ROR1: variants seen among roughly 807,000 people sequenced by gnomAD.
The protein encoded by ROR1 is ROR family WNT receptor 1.
A neutral mutation model predicts 78.8 loss-of-function variants in ROR1; 19 were observed. The observed-to-expected ratio is 0.24, with a 90% CI of 0.17 to 0.35. The LOEUF is 0.35. ROR1 is among the 10% of genes least tolerant of loss of function. The pLI is 1.00. For synonymous variants in ROR1, 386 were observed against 433.6 expected, an observed-to-expected ratio of 0.89 and a Z score of 1.36; for missense variants, 917 against 1,177.8, an observed-to-expected ratio of 0.78 and a Z score of 3.24.
chr1:63,856,994 T>C (rs1220578045), intron 1 of ROR1, among the ~76,000 whole-genome samples: 2 of 152,170 alleles, frequency 1.3e-5, no homozygotes, highest in African/African-American at 4.8e-5. Flanking sequence ...TCGTTAGATT[T>C]TGTTTCCTTG....
At chr1:64,071,161 G>A (rs1230788600) in intron 4 of ROR1, among the ~76,000 whole-genome samples, 1 of 152,152 alleles carries the variant, frequency 6.6e-6, no homozygotes, top group Non-Finnish European at 1.5e-5. Context: ...CAGGAGCTAC[G>A]CGTTACTTAG....
chr1:63,980,094 C>T (rs1467748696), intron 1 of ROR1, among the ~76,000 whole-genome samples: 3 of 151,538 alleles, frequency 2.0e-5, no homozygotes, highest in Non-Finnish European at 2.9e-5. Flanking sequence ...AAGTCAACTC[C>T]GTGCACTAAG....
At chr1:63,970,747 G>A (rs2100496785) in intron 1 of ROR1, among the ~76,000 whole-genome samples, 1 of 152,306 alleles carries the variant, frequency 6.6e-6, no homozygotes, top group Non-Finnish European at 1.5e-5. Flanking sequence ...GAATTATTTT[G>A]ATCCTCCCAA....
intron 7 of ROR1, among the ~76,000 whole-genome samples, chr1:64,155,510 A>G (rs1649745516): frequency 6.6e-6 from 1 of 152,196 alleles, no homozygotes; most frequent in Admixed American, 6.5e-5. Flanking sequence ...TCCTCAGTGT[A>G]ATCAGAAGGA....
chr1:63,875,425 T>C (rs1010887005), intron 1 of ROR1, among the ~76,000 whole-genome samples: 1 of 152,176 alleles, frequency 6.6e-6, no homozygotes, highest in East Asian at 1.9e-4. Flanking sequence ...TACTTTGCCT[T>C]TCTAAGCTTC....
intron 1 of ROR1, among the ~76,000 whole-genome samples, chr1:63,963,932 C>T (rs76033532): frequency 0.032 from 4,930 of 152,216 alleles, 119 homozygotes; most frequent in Non-Finnish European, 0.051. Flanking sequence ...CTTTTCTGAC[C>T]GTGAAGCTAC....
intron 1 of ROR1, among the ~76,000 whole-genome samples, chr1:63,961,601 G>A (rs1413410210): frequency 1.3e-5 from 2 of 152,108 alleles, no homozygotes; most frequent in Non-Finnish European, 2.9e-5. Flanking sequence ...GACAAATACC[G>A]CATGTTCTCA....
intron 1 of ROR1, among the ~76,000 whole-genome samples, chr1:63,847,994 G>A (rs534826399): frequency 6.6e-6 from 1 of 152,310 alleles, no homozygotes; most frequent in South Asian, 2.1e-4. Context: ...TACTTCCTGA[G>A]CTCCCTTTTT....
At chr1:63,780,188 G>A (rs1039640044) in intron 1 of ROR1, among the ~76,000 whole-genome samples, 5 of 150,422 alleles carry the variant, frequency 3.3e-5, no homozygotes, top group Non-Finnish European at 7.4e-5. Flanking sequence ...TTTTTTAAGA[G>A]AGAGAGGGGG....
At chr1:63,915,072 C>A (rs1645598927) in intron 1 of ROR1, among the ~76,000 whole-genome samples, 1 of 152,176 alleles carries the variant, frequency 6.6e-6, no homozygotes, top group Admixed American at 6.5e-5. Flanking sequence ...TCACAACAAC[C>A]ATTTGAAGGT....
intron 2 of ROR1, among the ~76,000 whole-genome samples, chr1:64,018,690 G>A (rs531025553): frequency 1.3e-5 from 2 of 152,196 alleles, no homozygotes; most frequent in Admixed American, 6.5e-5. Context: ...AAAGAACAGC[G>A]TGTCAAGCTG....
At chr1:64,109,000 C>T (rs1647962579) in intron 4 of ROR1, among the ~76,000 whole-genome samples, 1 of 152,166 alleles carries the variant, frequency 6.6e-6, no homozygotes, top group African/African-American at 2.4e-5. Flanking sequence ...CCCAGAGCTA[C>T]TGAATCACAG....
At chr1:64,079,797 A>T (rs1037036689) in intron 4 of ROR1, among the ~76,000 whole-genome samples, 3 of 151,718 alleles carry the variant, frequency 2.0e-5, no homozygotes, top group African/African-American at 7.3e-5. Flanking sequence ...TGGAATTTTC[A>T]GTAAGATTTA....
At chr1:63,841,716 T>C (rs561867678) in intron 1 of ROR1, among the ~76,000 whole-genome samples, 4 of 152,198 alleles carry the variant, frequency 2.6e-5, no homozygotes, top group Non-Finnish European at 5.9e-5. Context: ...TTTTAGCCAT[T>C]TATTTAACAG....
intron 2 of ROR1, among the ~76,000 whole-genome samples, chr1:64,024,076 T>G (rs1646588184): frequency 6.6e-6 from 1 of 152,218 alleles, no homozygotes; most frequent in Non-Finnish European, 1.5e-5. Context: ...GCCATGATTC[T>G]AAGTTTCCTG....
At chr1:63,940,470 TAGATAGATAGACAGATAGATAGACAGAC>T (rs1478627885) in intron 1 of ROR1, among the ~76,000 whole-genome samples, 61 of 146,012 alleles carry the variant, frequency 4.2e-4, no homozygotes, top group Middle Eastern at 3.4e-3. Context: ...AGTACGTAGA[TAGATAGATAGACAGATAGATAGACAGAC>T]AGATAGATAG....
At chr1:63,875,040 G>C (rs750385981) in intron 1 of ROR1, among the ~76,000 whole-genome samples, 2 of 152,136 alleles carry the variant, frequency 1.3e-5, no homozygotes, top group Non-Finnish European at 2.9e-5. Flanking sequence ...GCCTTAGACA[G>C]GTAGATAATG....
intron 1 of ROR1, among the ~76,000 whole-genome samples, chr1:63,855,893 G>A (rs1383488042): frequency 2.0e-5 from 3 of 151,544 alleles, no homozygotes; most frequent in African/African-American, 7.3e-5. Context: ...TCTTGACCTC[G>A]TGACCCGCCC....
At chr1:63,993,254 T>C (rs1646310670) in intron 1 of ROR1, among the ~76,000 whole-genome samples, 1 of 152,172 alleles carries the variant, frequency 6.6e-6, no homozygotes, top group Non-Finnish European at 1.5e-5. Flanking sequence ...TTCTATGGAG[T>C]CCCGTAAAAC....
Sources: gnomAD v4.1 joint callset for allele counts (sites outside exome capture counted in the v4.1 genomes callset) on GRCh38, gnomAD v4.1.1 for gene constraint, MANE v1.5 for transcripts, NCBI Gene and HGNC (gene_info 2026-07-23, HGNC 2026-07-21) for gene names.